BBS9: variants seen among roughly 807,000 people sequenced by gnomAD.
BBS9 encodes the protein Bardet-Biedl syndrome 9.
Under a neutral mutation model 117.7 loss-of-function variants are expected in BBS9, and 89 were observed. That is an observed-to-expected ratio of 0.76 (90% CI 0.64 to 0.90). BBS9 has a LOEUF of 0.90. BBS9 is among the 40% of genes least tolerant of loss of function. The pLI is 0.00. For synonymous variants in BBS9, 379 were observed against 370.9 expected, an observed-to-expected ratio of 1.02 and a Z score of -0.25; for missense variants, 982 against 1,042.2, an observed-to-expected ratio of 0.94 and a Z score of 0.80.
At chr7:33,281,558 T>C (rs1324708887) in intron 9 of BBS9, among the ~76,000 whole-genome samples, 1 of 151,738 alleles carries the variant, frequency 6.6e-6, no homozygotes, top group Non-Finnish European at 1.5e-5. Flanking sequence ...TTCTTTTTTT[T>C]ATAGATAGGA....
intron 19 of BBS9, among the ~76,000 whole-genome samples, chr7:33,410,398 A>C (rs1830897875): frequency 6.6e-6 from 1 of 151,430 alleles, no homozygotes; most frequent in Admixed American, 6.6e-5. Context: ...ATACCTCCCT[A>C]CTCATTTGCC....
chr7:33,225,166 C>T (rs1217111233), intron 5 of BBS9, among the ~76,000 whole-genome samples: 1 of 151,960 alleles, frequency 6.6e-6, no homozygotes, highest in Non-Finnish European at 1.5e-5. Flanking sequence ...ATATGTGATG[C>T]CTTTCAATTT....
chr7:33,280,811 A>G (rs1184687497), intron 9 of BBS9, among the ~76,000 whole-genome samples: 1 of 151,880 alleles, frequency 6.6e-6, no homozygotes, highest in Non-Finnish European at 1.5e-5. Context: ...AGAGGGAAGA[A>G]GGATTTTTTC....
chr7:33,276,479 C>G (rs770623574), intron 9 of BBS9, among the ~76,000 whole-genome samples: 1 of 152,132 alleles, frequency 6.6e-6, no homozygotes, highest in Non-Finnish European at 1.5e-5. Context: ...CAGCTCTTAG[C>G]TCATGCTGCG....
chr7:33,193,421 CCTTT>C (rs1784458816), intron 5 of BBS9, among the ~76,000 whole-genome samples: 3 of 67,786 alleles, frequency 4.4e-5, no homozygotes, highest in Non-Finnish European at 6.6e-5. Flanking sequence ...CCTCTCTCTG[CCTTT>C]TTTTTTTTTT....
chr7:33,541,585 G>A (rs1051746414), intron 21 of BBS9, among the ~76,000 whole-genome samples: 4 of 152,120 alleles, frequency 2.6e-5, no homozygotes, highest in African/African-American at 9.7e-5. Flanking sequence ...AACAAATGTG[G>A]TATATCCATA....
chr7:33,245,007 T>G (rs1325910387), intron 5 of BBS9, among the ~76,000 whole-genome samples: 1 of 152,168 alleles, frequency 6.6e-6, no homozygotes, highest in Non-Finnish European at 1.5e-5. Context: ...TCTTGTTTTG[T>G]ATTGAAAAGA....
intron 5 of BBS9, among the ~76,000 whole-genome samples, chr7:33,227,163 A>ATTT (rs200953219): frequency 6.8e-6 from 1 of 146,356 alleles, no homozygotes. Context: ...ACAGCCATCA[A>ATTT]TTTTTTTTTT....
chr7:33,422,021 C>T (rs1162424245), intron 19 of BBS9, among the ~76,000 whole-genome samples: 1 of 151,686 alleles, frequency 6.6e-6, no homozygotes, highest in Admixed American at 6.6e-5. Flanking sequence ...ATATAGCCTT[C>T]CAGATTTATG....
chr7:33,566,956 CAGGTTGTA>C (rs2129129869), intron 21 of BBS9, among the ~76,000 whole-genome samples: 1 of 152,208 alleles, frequency 6.6e-6, no homozygotes, highest in Admixed American at 6.5e-5. Flanking sequence ...TAAGTTTCCC[CAGGTTGTA>C]AGTTTCTTTC....
intron 20 of BBS9, among the ~76,000 whole-genome samples, chr7:33,508,147 C>G (rs1055779865): frequency 6.6e-6 from 1 of 152,166 alleles, no homozygotes; most frequent in African/African-American, 2.4e-5. Flanking sequence ...CCAGACTTAA[C>G]TTTTTATTTC....
At position 33,130,326 on chromosome 7, in the gene BBS9, A is replaced by G. The variant is rs192208478; in HGVS notation, c.-12+285A>G. On this transcript the variant is annotated intron_variant, in intron 1 of 22. Coordinates refer to ENST00000242067, the MANE Select transcript of BBS9 (RefSeq NM_198428.3). ...GACACTTCAACAGGTCTGTGAGTAA[A>G]TGGGCAAAGCAGTTCCCAGCCTACG... Among the ~76,000 whole-genome samples, 264 of 152,276 alleles carry G rather than the reference A, an allele frequency of 1.7e-3. 1 individual carries two copies. The highest frequency in any genetic ancestry group is 6.0e-3 in the African/African-American group (251 of 41,562).
chr7:33,396,096 CA>C (rs1394466133), intron 19 of BBS9, among the ~76,000 whole-genome samples: 1 of 151,528 alleles, frequency 6.6e-6, no homozygotes, highest in East Asian at 1.9e-4. Flanking sequence ...CAAAACAAAA[CA>C]AAAAAACTGA....
At chr7:33,392,843 T>C (rs1362802676) in intron 19 of BBS9, among the ~76,000 whole-genome samples, 1 of 152,116 alleles carries the variant, frequency 6.6e-6, no homozygotes. Flanking sequence ...TATCTGAAAA[T>C]TAATTAGGTT....
chr7:33,163,894 G>T (rs1233852216), intron 4 of BBS9, among the ~76,000 whole-genome samples: 2 of 151,878 alleles, frequency 1.3e-5, no homozygotes, highest in Non-Finnish European at 2.9e-5. Context: ...GTTTTCTCTT[G>T]CTTCTCTAGT....
chr7:33,261,664 T>C (rs1226520144), intron 6 of BBS9, among the ~76,000 whole-genome samples: 1 of 152,254 alleles, frequency 6.6e-6, no homozygotes, highest in Non-Finnish European at 1.5e-5. Context: ...CCTCAATCTA[T>C]ATTTTAGTTA....
intron 17 of BBS9, among the ~76,000 whole-genome samples, chr7:33,376,500 G>T (rs1823913539): frequency 1.3e-5 from 2 of 152,124 alleles, no homozygotes; most frequent in Non-Finnish European, 2.9e-5. Context: ...GCTACAATGA[G>T]CATATGAGTG....
chr7:33,212,168 C>T (rs897246314), intron 5 of BBS9, among the ~76,000 whole-genome samples: 9 of 152,174 alleles, frequency 5.9e-5, no homozygotes, highest in African/African-American at 2.2e-4. Context: ...GTTTCTACCA[C>T]CCCTCTCTAC....
intron 6 of BBS9, among the ~76,000 whole-genome samples, chr7:33,258,460 ATGTT>A (rs1334411648): frequency 1.3e-5 from 2 of 152,218 alleles, no homozygotes; most frequent in African/African-American, 2.4e-5. Flanking sequence ...AAATAAGTGA[ATGTT>A]TGTGAGTAAG....
Sources: allele counts gnomAD v4.1 joint callset (sites outside exome capture counted in the v4.1 genomes callset), GRCh38; gene constraint gnomAD v4.1.1; transcripts MANE v1.5; gene names NCBI Gene and HGNC (gene_info 2026-07-23, HGNC 2026-07-21).